The following LTBP1 variants were observed in gnomAD, a reference collection of about 807,000 sequenced individuals.
LTBP1 encodes latent transforming growth factor beta binding protein 1, also known as latent-transforming growth factor beta-binding protein 1.
LTBP1 carries 129 observed loss-of-function variants against 207.6 expected under a neutral mutation model. That is an observed-to-expected ratio of 0.62 (90% CI 0.54 to 0.72). LTBP1 has a LOEUF of 0.72. Among genes scored for constraint, LTBP1 ranks in the 30% least tolerant of loss-of-function variants. The probability of loss-of-function intolerance (pLI) is 0.00; values close to 1 mark genes in which losing one functional copy is unlikely to be tolerated. For synonymous variants in LTBP1, 963 were observed against 833.7 expected, an observed-to-expected ratio of 1.16 and a Z score of -2.67; for missense variants, 2,281 against 2,217.2, an observed-to-expected ratio of 1.03 and a Z score of -0.58.
At chr2:33,177,102 A>G (rs77910534) in intron 5 of LTBP1, among the ~76,000 whole-genome samples, 2,447 of 152,294 alleles carry the variant, frequency 0.016, 26 homozygotes, top group East Asian at 0.027. Flanking sequence ...TTTAGTTGGG[A>G]TTCAAACTCC....
intron 5 of LTBP1, among the ~76,000 whole-genome samples, chr2:33,157,217 C>T (rs1323005439): frequency 2.0e-5 from 3 of 152,150 alleles, no homozygotes; most frequent in Admixed American, 2.0e-4. Flanking sequence ...TTGTTATTGT[C>T]TGTGATTATT....
At chr2:33,050,937 C>T (rs1481240863) in intron 3 of LTBP1, among the ~76,000 whole-genome samples, 2 of 152,002 alleles carry the variant, frequency 1.3e-5, no homozygotes, top group African/African-American at 2.4e-5. Flanking sequence ...TTTCGCCAGA[C>T]TGGTCTCGAA....
At chr2:33,380,460 C>G (rs2095199812) in intron 31 of LTBP1, among the ~76,000 whole-genome samples, 1 of 150,732 alleles carries the variant, frequency 6.6e-6, no homozygotes, top group Non-Finnish European at 1.5e-5. Flanking sequence ...CGTGATGGCA[C>G]ACGCCTTCTG....
At chr2:33,050,188 C>G in intron 3 of LTBP1, among the ~76,000 whole-genome samples, 2 of 141,376 alleles carry the variant, frequency 1.4e-5, no homozygotes, top group South Asian at 4.4e-4. Flanking sequence ...GGTGTATGAT[C>G]CAAATAGGTG....
chr2:33,012,148 C>A (rs536110562), intron 2 of LTBP1, among the ~76,000 whole-genome samples: 1 of 152,212 alleles, frequency 6.6e-6, no homozygotes, highest in African/African-American at 2.4e-5. Flanking sequence ...GTTTCCAGTT[C>A]TAGCCACAGG....
chr2:32,976,162 C>T (rs1427707768), intron 2 of LTBP1, among the ~76,000 whole-genome samples: 10 of 152,176 alleles, frequency 6.6e-5, no homozygotes, highest in Non-Finnish European at 7.3e-5. Context: ...GACTACTATG[C>T]TGTGTGCTCT....
intron 2 of LTBP1, among the ~76,000 whole-genome samples, chr2:32,975,535 G>A (rs1318485639): frequency 1.4e-5 from 2 of 139,114 alleles, no homozygotes; most frequent in Admixed American, 7.3e-5. Flanking sequence ...TCATAGATTT[G>A]GTCCCTTCAC....
intron 27 of LTBP1, among the ~76,000 whole-genome samples, chr2:33,361,199 G>T (rs944810033): frequency 4.6e-5 from 7 of 152,162 alleles, no homozygotes; most frequent in Non-Finnish European, 7.4e-5. Flanking sequence ...TAAAGCATGA[G>T]TAAGAAAATA....
chr2:33,280,255 G>GA, intron 19 of LTBP1, 97 bp downstream of exon 19: 2 of 1,230,646 alleles, frequency 1.6e-6, no homozygotes. Context: ...CTTTCAAAAT[G>GA]AAAAAATGAA....
At chr2:33,120,934 T>G (rs1255497105) in intron 4 of LTBP1, among the ~76,000 whole-genome samples, 1 of 152,228 alleles carries the variant, frequency 6.6e-6, no homozygotes, top group Non-Finnish European at 1.5e-5. Flanking sequence ...CTACTCAGAC[T>G]TACATGCAGT....
intron 11 of LTBP1, among the ~76,000 whole-genome samples, chr2:33,254,531 G>A (rs193185072): frequency 1.1e-4 from 14 of 125,506 alleles, no homozygotes; most frequent in Non-Finnish European, 1.7e-4. Flanking sequence ...TATTTAGTTC[G>A]TTAATTCTTT....
intron 26 of LTBP1, among the ~76,000 whole-genome samples, chr2:33,360,155 G>A (rs373057835): frequency 1.2e-4 from 18 of 152,264 alleles, no homozygotes; most frequent in African/African-American, 4.3e-4. Context: ...GAAAAGATTG[G>A]GAGCATGGTT....
intron 2 of LTBP1, among the ~76,000 whole-genome samples, chr2:32,962,288 C>T (rs1023939424): frequency 2.0e-5 from 3 of 152,098 alleles, no homozygotes; most frequent in African/African-American, 7.2e-5. Flanking sequence ...AAGTAGGGTT[C>T]GTGCAAAGAC....
intron 3 of LTBP1, among the ~76,000 whole-genome samples, chr2:33,029,888 A>T (rs2075611692): frequency 6.6e-6 from 1 of 152,216 alleles, no homozygotes; most frequent in Non-Finnish European, 1.5e-5. Context: ...AACAATAAAG[A>T]TTCACCTAAA....
At chr2:33,286,562 T>G (rs931593594) in intron 19 of LTBP1, among the ~76,000 whole-genome samples, 5 of 152,218 alleles carry the variant, frequency 3.3e-5, no homozygotes, top group East Asian at 1.9e-4. Context: ...AACATTAGCT[T>G]TATCCCTACA....
intron 7 of LTBP1, among the ~76,000 whole-genome samples, chr2:33,193,679 A>C (rs979456138): frequency 3.3e-5 from 5 of 152,182 alleles, no homozygotes; most frequent in African/African-American, 1.2e-4. Context: ...TAATTTTTGC[A>C]ATATTTCAAG....
intron 7 of LTBP1, among the ~76,000 whole-genome samples, chr2:33,195,142 G>A (rs1222977892): frequency 6.6e-6 from 1 of 152,158 alleles, no homozygotes; most frequent in Non-Finnish European, 1.5e-5. Context: ...ACAAAAAGAT[G>A]AATGTTGTTT....
At chr2:33,281,115 G>GT (rs1183807018) in intron 19 of LTBP1, among the ~76,000 whole-genome samples, 1 of 152,112 alleles carries the variant, frequency 6.6e-6, no homozygotes, top group Non-Finnish European at 1.5e-5. Context: ...CCCCAGAGTT[G>GT]TACTAAGTTC....
At chr2:33,174,693 C>T (rs1025343627) in intron 5 of LTBP1, among the ~76,000 whole-genome samples, 4 of 152,114 alleles carry the variant, frequency 2.6e-5, no homozygotes, top group East Asian at 1.9e-4. Context: ...GAGCCCGCAT[C>T]GCAAAGTGAA....
Sources: gnomAD v4.1 joint callset for allele counts (sites outside exome capture counted in the v4.1 genomes callset) on GRCh38, gnomAD v4.1.1 for gene constraint, MANE v1.5 for transcripts, NCBI Gene and HGNC (gene_info 2026-07-23, HGNC 2026-07-21) for gene names.